PBX1: variants seen among roughly 807,000 people sequenced by gnomAD.
The protein encoded by PBX1 is PBX homeobox 1.
In PBX1, 6 loss-of-function variants were observed where a neutral mutation model predicts 53.4. The observed-to-expected ratio is 0.11, with a 90% CI of 0.06 to 0.22. The LOEUF (loss-of-function observed/expected upper bound fraction) is 0.22. PBX1 is among the 10% of genes least tolerant of loss of function. PBX1 has a pLI of 1.00. For missense variants in PBX1, 251 were observed against 551.4 expected (o/e 0.46, Z 5.46); for synonymous variants, 204 against 212.3 (o/e 0.96, Z 0.34).
intron 2 of PBX1, among the ~76,000 whole-genome samples, chr1:164,607,858 G>A (rs973421883): frequency 6.6e-6 from 1 of 152,154 alleles, no homozygotes; most frequent in African/African-American, 2.4e-5. Flanking sequence ...AGGTTCATCC[G>A]CATCATTAGA....
chr1:164,808,424 A>G (rs915282107), intron 5 of PBX1, among the ~76,000 whole-genome samples: 2 of 152,150 alleles, frequency 1.3e-5, no homozygotes, highest in African/African-American at 4.8e-5. Flanking sequence ...CTCAAATACC[A>G]CCACTGGTTT....
At chr1:164,854,245 C>A (rs928059196), downstream of PBX1, 1 of 152,152 alleles carries the variant, frequency 6.6e-6, no homozygotes, top group Non-Finnish European at 1.5e-5. Context: ...GGTCCAAGTG[C>A]AGTCGTGTTT....
intron 2 of PBX1, among the ~76,000 whole-genome samples, chr1:164,686,899 G>A (rs961439009): frequency 6.6e-6 from 1 of 151,628 alleles, no homozygotes; most frequent in Non-Finnish European, 1.5e-5. Context: ...AGAGCTTGCT[G>A]TAAGCAGAGA....
At chr1:164,734,057 G>A (rs1421109351) in intron 2 of PBX1, among the ~76,000 whole-genome samples, 2 of 152,168 alleles carry the variant, frequency 1.3e-5, no homozygotes, top group Non-Finnish European at 2.9e-5. Context: ...CATTTTGTAT[G>A]TGTGCTCTGT....
intron 2 of PBX1, among the ~76,000 whole-genome samples, chr1:164,882,378 A>T (rs978882378): frequency 2.0e-5 from 3 of 152,116 alleles, no homozygotes; most frequent in African/African-American, 7.2e-5. Flanking sequence ...TTGATTTCTT[A>T]GATTCTGTTT....
At chr1:164,832,024 T>A (rs749068280) in intron 8 of PBX1, among the ~76,000 whole-genome samples, 1 of 152,250 alleles carries the variant, frequency 6.6e-6, no homozygotes, top group Non-Finnish European at 1.5e-5. Context: ...TTTTGAGATA[T>A]ATAAAAATAG....
intron 8 of PBX1, among the ~76,000 whole-genome samples, chr1:164,833,741 T>C (rs1235215464): frequency 6.6e-6 from 1 of 152,116 alleles, no homozygotes; most frequent in African/African-American, 2.4e-5. Flanking sequence ...GTTGAACCTG[T>C]TGTCAGTGGG....
At chr1:164,624,538 G>A (rs1178041836) in intron 2 of PBX1, among the ~76,000 whole-genome samples, 7 of 152,194 alleles carry the variant, frequency 4.6e-5, no homozygotes, top group Admixed American at 2.6e-4. Context: ...GACCCTGAGG[G>A]AGCCTTGAAG....
intron 5 of PBX1, among the ~76,000 whole-genome samples, chr1:164,810,707 C>G (rs1669565528): frequency 6.6e-6 from 1 of 152,146 alleles, no homozygotes; most frequent in African/African-American, 2.4e-5. Context: ...CAAAGTGAAA[C>G]TAGATATGCA....
In PBX1 at chr1:164,847,370, G is replaced by C. The variant is rs570904135; in HGVS notation, c.*694G>C. 2.8e-6 allele frequency: 3 copies of C among 1,064,592 alleles called. No individual in the cohort carries two copies. The highest frequency in any genetic ancestry group is 4.2e-4 in the Middle Eastern group (1 of 2,398). The allele number at this position is 1,064,592 out of a possible 1,614,324, so 65.9% of individuals were successfully genotyped here. On this transcript the variant is annotated 3_prime_UTR_variant, in exon 9 of 9. Coordinates refer to ENST00000420696, the MANE Select transcript of PBX1 (RefSeq NM_002585.4). ...TTTCATCTCCACTAGGTTGGTTCCCGGGCAGGAAGTCAGGCAGCAGGGAAG... is the reference window on the plus strand; with the variant it reads ...TTTCATCTCCACTAGGTTGGTTCCCCGGCAGGAAGTCAGGCAGCAGGGAAG...
chr1:164,696,903 T>C (rs2250142), intron 2 of PBX1, among the ~76,000 whole-genome samples: 36,137 of 152,036 alleles, frequency 0.24, 4,539 homozygotes, highest in East Asian at 0.46. Context: ...TGGACCAGAA[T>C]AAAATTATAG....
chr1:164,699,080 A>G (rs1662952737), intron 2 of PBX1, among the ~76,000 whole-genome samples: 2 of 152,212 alleles, frequency 1.3e-5, no homozygotes, highest in African/African-American at 4.8e-5. Flanking sequence ...GACTGAGTCT[A>G]TACAGAATAG....
intron 2 of PBX1, chr1:164,674,851 C>CA (rs1212788174): frequency 3.8e-5 from 1 of 26,128 alleles, no homozygotes; most frequent in Non-Finnish European, 8.3e-5. Flanking sequence ...ATCACAGCCC[C>CA]CCCCCCCCCC....
At chr1:164,716,593 G>A (rs1020985322) in intron 2 of PBX1, among the ~76,000 whole-genome samples, 41 of 151,682 alleles carry the variant, frequency 2.7e-4, no homozygotes, top group African/African-American at 8.5e-4. Flanking sequence ...GGTGGCTCAC[G>A]CCTGTAATGC....
intron 2 of PBX1, chr1:164,787,557 C>G (rs1242765531): frequency 6.6e-6 from 1 of 152,218 alleles, no homozygotes; most frequent in Non-Finnish European, 1.5e-5. Context: ...ACAAAACAAC[C>G]CGCCACACGG....
chr1:164,796,705 A>T (rs947635564), intron 3 of PBX1, among the ~76,000 whole-genome samples: 3 of 152,246 alleles, frequency 2.0e-5, no homozygotes, highest in Non-Finnish European at 4.4e-5. Flanking sequence ...TTCCAGAAAC[A>T]ACGTTGCCCT....
At chr1:164,609,143 TTGTTC>T (rs1321130172) in intron 2 of PBX1, among the ~76,000 whole-genome samples, 3 of 152,098 alleles carry the variant, frequency 2.0e-5, no homozygotes, top group Admixed American at 6.6e-5. Context: ...GGAGGCCTCT[TTGTTC>T]TTTTCTTTTC....
chr1:164,687,279 C>T (rs976345067), intron 2 of PBX1, among the ~76,000 whole-genome samples: 1 of 152,062 alleles, frequency 6.6e-6, no homozygotes, highest in South Asian at 2.1e-4. Context: ...CTAAGTATTT[C>T]AGGCCAGACA....
chr1:164,821,658 T>C, intron 8 of PBX1, 32 bp downstream of exon 8: 1 of 1,539,780 alleles, frequency 6.5e-7, no homozygotes. Context: ...CCCCCTGCTT[T>C]GTTTTTATTC....
Sources: allele counts gnomAD v4.1 joint callset (sites outside exome capture counted in the v4.1 genomes callset), GRCh38; gene constraint gnomAD v4.1.1; transcripts MANE v1.5; gene names NCBI Gene and HGNC (gene_info 2026-07-23, HGNC 2026-07-21).